The following ADGRV1 variants were observed in gnomAD, a reference collection of about 807,000 sequenced individuals.
The protein encoded by ADGRV1 is adhesion G protein-coupled receptor V1, also known as G-protein coupled receptor 98.
ADGRV1 carries 359 observed loss-of-function variants against 596.2 expected under a neutral mutation model. The observed-to-expected ratio is 0.60, with a 90% CI of 0.55 to 0.66. ADGRV1 has a LOEUF of 0.66. Ranked by LOEUF, ADGRV1 falls within the 30% of genes least tolerant of loss-of-function variation. The pLI is 0.00. For missense variants in ADGRV1, 7,274 were observed against 7,575.6 expected, an observed-to-expected ratio of 0.96 and a Z score of 1.48; for synonymous variants, 2,681 against 2,679.2, an observed-to-expected ratio of 1.00 and a Z score of -0.02.
intron 74 of ADGRV1, among the ~76,000 whole-genome samples, chr5:90,811,708 A>C (rs1056238113): frequency 6.6e-6 from 1 of 151,240 alleles, no homozygotes; most frequent in Non-Finnish European, 1.5e-5. Flanking sequence ...AAAGTCAAAG[A>C]TCTCATTGGC....
At chr5:90,869,555 T>A (rs1339990497) in intron 83 of ADGRV1, among the ~76,000 whole-genome samples, 1 of 152,148 alleles carries the variant, frequency 6.6e-6, no homozygotes, top group Non-Finnish European at 1.5e-5. Flanking sequence ...GCTTTTACCA[T>A]CATCCGATTA....
At chr5:90,689,049 T>C (rs1052762900) in intron 29 of ADGRV1, among the ~76,000 whole-genome samples, 3 of 152,214 alleles carry the variant, frequency 2.0e-5, no homozygotes, top group Admixed American at 1.3e-4. Flanking sequence ...CTGAGAACTA[T>C]TCAATTCGAA....
chr5:90,824,542 A>G (rs1763905627), intron 76 of ADGRV1, among the ~76,000 whole-genome samples: 1 of 152,174 alleles, frequency 6.6e-6, no homozygotes, highest in Admixed American at 6.5e-5. Context: ...ATATCACATC[A>G]TTGTTTTTTG....
intron 83 of ADGRV1, among the ~76,000 whole-genome samples, chr5:90,905,922 G>T (rs565528926): frequency 6.6e-6 from 1 of 152,030 alleles, no homozygotes; most frequent in South Asian, 2.1e-4. Context: ...CCAGTTTTTT[G>T]AGAGTTTTTA....
intron 30 of ADGRV1, 76 bp downstream of exon 30, chr5:90,690,152 G>A: frequency 2.4e-6 from 2 of 847,704 alleles, no homozygotes; most frequent in Non-Finnish European, 1.9e-6. Context: ...TACTTTTGGA[G>A]ACTCAGAATT....
At chr5:90,580,778 G>A (rs1437231905) in intron 1 of ADGRV1, among the ~76,000 whole-genome samples, 1 of 151,608 alleles carries the variant, frequency 6.6e-6, no homozygotes, top group Non-Finnish European at 1.5e-5. Flanking sequence ...TCTTCTGGAG[G>A]AGTATCTTTG....
chr5:90,947,344 G>A (rs140197631), intron 83 of ADGRV1, among the ~76,000 whole-genome samples: 72 of 150,140 alleles, frequency 4.8e-4, no homozygotes, highest in Middle Eastern at 3.4e-3. Context: ...TTTTTTTCTC[G>A]TAAATTTGTT....
At chr5:90,914,779 A>G (rs1412309141) in intron 83 of ADGRV1, among the ~76,000 whole-genome samples, 2 of 152,192 alleles carry the variant, frequency 1.3e-5, no homozygotes, top group Non-Finnish European at 2.9e-5. Context: ...ACAACAACAG[A>G]AACAAAAACA....
intron 85 of ADGRV1, among the ~76,000 whole-genome samples, chr5:91,027,446 G>T (rs114391342): frequency 6.6e-6 from 1 of 152,044 alleles, no homozygotes; most frequent in East Asian, 1.9e-4. Context: ...TGGCAAGATG[G>T]CAAGGCCAGC....
intron 83 of ADGRV1, among the ~76,000 whole-genome samples, chr5:90,943,883 A>G (rs1006898064): frequency 1.3e-5 from 2 of 152,094 alleles, no homozygotes; most frequent in African/African-American, 2.4e-5. Flanking sequence ...CATTTTATCT[A>G]ATGACGTCTG....
intron 23 of ADGRV1, among the ~76,000 whole-genome samples, chr5:90,674,885 TCTA>T (rs1034054644): frequency 9.2e-5 from 14 of 152,292 alleles, no homozygotes; most frequent in African/African-American, 3.1e-4. Flanking sequence ...TTTAACCTGT[TCTA>T]CTATATGTTC....
intron 87 of ADGRV1, among the ~76,000 whole-genome samples, chr5:91,130,522 C>CAAAAAAA (rs11423089): frequency 2.7e-5 from 2 of 73,302 alleles, no homozygotes; most frequent in African/African-American, 6.3e-5. Context: ...AACTCCATCT[C>CAAAAAAA]AAAAAAAAAA....
intron 59 of ADGRV1, among the ~76,000 whole-genome samples, chr5:90,767,340 A>G (rs570622398): frequency 3.0e-4 from 45 of 152,348 alleles, no homozygotes; most frequent in African/African-American, 1.1e-3. Flanking sequence ...TCTTAAATTA[A>G]TAAAGATGAA....
intron 85 of ADGRV1, among the ~76,000 whole-genome samples, chr5:91,035,311 C>G (rs1181830334): frequency 1.3e-5 from 2 of 152,180 alleles, no homozygotes; most frequent in Non-Finnish European, 2.9e-5. Context: ...TTGTCTTTGT[C>G]TTGAGGCCCA....
chr5:90,756,629 G>A lies in ADGRV1; in HGVS notation c.11756G>A (p.Arg3919Lys). The change falls in exon 56 of 90, where the codon AGA (arginine) becomes AAA (lysine). Residue 3919 changes from arginine to lysine, a missense_variant and splice_region_variant. By Grantham distance (26) the Arg-to-Lys change is conservative. This residue lies in a region of ADGRV1 where 3,643 missense variants were observed against 3,809.2 expected (regional missense o/e 0.96). Transcript: ENST00000405460. ...PRGIFMFHVTRGAGEVITAYE... is the reference protein window; with the variant it reads ...PRGIFMFHVTKGAGEVITAYE... ...GGAATTTTTATGTTTCATGTTACTA[G>A]AGTGAGATGAACTTTCATTTGTTTA... 1.9e-6 allele frequency: 3 copies of A among 1,611,234 alleles called. No homozygotes were observed. The highest frequency in any genetic ancestry group is 2.5e-6 in the Non-Finnish European group (3 of 1,177,608).
chr5:90,928,813 G>A (rs1202958571), intron 83 of ADGRV1, among the ~76,000 whole-genome samples: 1 of 151,430 alleles, frequency 6.6e-6, no homozygotes, highest in Non-Finnish European at 1.5e-5. Flanking sequence ...GGTTTTTGGT[G>A]TGGATGTCCT....
At chr5:90,657,358 C>T (rs963866) in intron 20 of ADGRV1, among the ~76,000 whole-genome samples, 108,664 of 151,638 alleles carry the variant, frequency 0.72, 39,531 homozygotes, top group African/African-American at 0.83. Context: ...TTGGATTGCT[C>T]GAACCCAGGA....
chr5:90,927,419 G>T (rs10039654), intron 83 of ADGRV1, among the ~76,000 whole-genome samples: 54 of 151,806 alleles, frequency 3.6e-4, no homozygotes, highest in Middle Eastern at 6.8e-3. Context: ...GATCTTTGTT[G>T]GTTTAAAGTC....
Position 90,694,050 on chromosome 5 carries a change from G to T in ADGRV1, c.7294G>T (p.Val2432Leu). ...GAGAACTTGGATGAATGTCTCTGCCGTGGGGGAGCCCCTGTATACCTGTGC... is the reference window on the plus strand; with the variant it reads ...GAGAACTTGGATGAATGTCTCTGCCTTGGGGGAGCCCCTGTATACCTGTGC... ...LWRTWMNVSA[V>L]GEPLYTCATL... Residue 2432 changes from valine (V) to leucine (L), a missense_variant, in exon 33 of 90, where the codon GTG becomes TTG. Around this residue, in one of 5 missense-constraint regions of ADGRV1, gnomAD observed 3,643 missense variants for 3,809.2 expected, o/e 0.96. Transcript: ENST00000405460. 1 of 1,613,788 alleles carries T rather than the reference G, an allele frequency of 6.2e-7. No homozygotes were observed. Among genetic ancestry groups the T allele is most frequent in the Non-Finnish European group, 8.5e-7 (1 of 1,179,832 alleles).
Sources: gnomAD v4.1 joint callset for allele counts (sites outside exome capture counted in the v4.1 genomes callset) on GRCh38, gnomAD v4.1.1 for gene constraint, gnomAD v4.1.1 regional missense constraint, MANE v1.5 for transcripts, NCBI Gene and HGNC (gene_info 2026-07-23, HGNC 2026-07-21) for gene names.